Variants in GRID2 observed in about 807,000 individuals in gnomAD.
GRID2 encodes the protein glutamate receptor ionotropic, delta-2.
Under a neutral mutation model 114.8 loss-of-function variants are expected in GRID2, and 33 were observed. That is an observed-to-expected ratio of 0.29 (90% CI 0.22 to 0.38). The LOEUF (loss-of-function observed/expected upper bound fraction) is 0.38, where lower values mean the gene tolerates loss of function less well. Ranked by LOEUF, GRID2 falls within the 10% of genes least tolerant of loss-of-function variation. The pLI is 1.00. For missense variants in GRID2, 1,184 were observed against 1,257.7 expected, an observed-to-expected ratio of 0.94 and a Z score of 0.89; for synonymous variants, 505 against 449.9, an observed-to-expected ratio of 1.12 and a Z score of -1.55.
At chr4:93,517,099 A>C (rs1439634991) in intron 13 of GRID2, among the ~76,000 whole-genome samples, 1 of 152,094 alleles carries the variant, frequency 6.6e-6, no homozygotes, top group East Asian at 1.9e-4. Context: ...CATGAAGATA[A>C]GAATTCTACC....
At chr4:93,441,047 T>C (rs1186864831) in intron 10 of GRID2, among the ~76,000 whole-genome samples, 1 of 151,942 alleles carries the variant, frequency 6.6e-6, no homozygotes, top group African/African-American at 2.4e-5. Context: ...AATAAAAAGA[T>C]TTGGTGGGTT....
At chr4:93,146,606 G>GGA (rs374663929) in intron 4 of GRID2, among the ~76,000 whole-genome samples, 13 of 151,034 alleles carry the variant, frequency 8.6e-5, no homozygotes, top group South Asian at 4.2e-4. Context: ...AGAGAAAGGA[G>GGA]GAGAGAGAGA....
At chr4:93,635,638 G>T (rs1260208283) in intron 14 of GRID2, among the ~76,000 whole-genome samples, 2 of 152,038 alleles carry the variant, frequency 1.3e-5, no homozygotes, top group African/African-American at 2.4e-5. Flanking sequence ...CAAGAAAAAT[G>T]AGTAAGCTTT....
chr4:92,722,449 AGGGGAACGGGTG>A (rs1210678265), intron 2 of GRID2, among the ~76,000 whole-genome samples: 1 of 152,162 alleles, frequency 6.6e-6, no homozygotes, highest in Non-Finnish European at 1.5e-5. Flanking sequence ...AATGAGGAAA[AGGGGAACGGGTG>A]GGGTGGCAAT....
intron 13 of GRID2, among the ~76,000 whole-genome samples, chr4:93,580,982 C>A (rs1312224720): frequency 6.6e-6 from 1 of 151,772 alleles, no homozygotes; most frequent in East Asian, 1.9e-4. Context: ...TTCTGGGATA[C>A]ATGTGCAGAA....
intron 2 of GRID2, among the ~76,000 whole-genome samples, chr4:92,961,749 A>T (rs1033605917): frequency 6.6e-6 from 1 of 150,900 alleles, no homozygotes; most frequent in African/African-American, 2.4e-5. Context: ...GGGTGATTCA[A>T]ATATTTCTTC....
At chr4:92,799,252 C>T (rs897289482) in intron 2 of GRID2, among the ~76,000 whole-genome samples, 2 of 151,924 alleles carry the variant, frequency 1.3e-5, no homozygotes, top group Non-Finnish European at 2.9e-5. Context: ...AGATCCTTCT[C>T]ATGCACAGTT....
At chr4:92,925,875 A>C (rs569516419) in intron 2 of GRID2, among the ~76,000 whole-genome samples, 1 of 152,114 alleles carries the variant, frequency 6.6e-6, no homozygotes, top group Non-Finnish European at 1.5e-5. Context: ...TTTCACTAGC[A>C]CAGGTTCAAA....
intron 11 of GRID2, among the ~76,000 whole-genome samples, chr4:93,456,374 C>T (rs1486782762): frequency 6.6e-6 from 1 of 152,092 alleles, no homozygotes; most frequent in Non-Finnish European, 1.5e-5. Context: ...AGGACTTGTT[C>T]TTTGTTCAGA....
At chr4:93,337,738 C>T (rs1309295118) in intron 8 of GRID2, among the ~76,000 whole-genome samples, 1 of 152,126 alleles carries the variant, frequency 6.6e-6, no homozygotes, top group Non-Finnish European at 1.5e-5. Context: ...TCTCTCAAAA[C>T]TTGTGGCCGG....
At chr4:92,827,680 C>G (rs891022256) in intron 2 of GRID2, among the ~76,000 whole-genome samples, 1 of 151,726 alleles carries the variant, frequency 6.6e-6, no homozygotes, top group Non-Finnish European at 1.5e-5. Flanking sequence ...ATCTGATGCC[C>G]TTAAGAGGGT....
intron 8 of GRID2, chr4:93,305,967 A>C (rs549377922): frequency 6.6e-6 from 1 of 152,234 alleles, no homozygotes; most frequent in Non-Finnish European, 1.5e-5. Context: ...TAATTCCCAT[A>C]GGACTCTACT....
intron 2 of GRID2, among the ~76,000 whole-genome samples, chr4:92,801,808 A>G (rs1740185835): frequency 6.6e-6 from 1 of 151,866 alleles, no homozygotes; most frequent in African/African-American, 2.4e-5. Context: ...TACTCATAAC[A>G]AACCCAAAAG....
intron 1 of GRID2, among the ~76,000 whole-genome samples, chr4:92,516,391 A>G (rs1011233194): frequency 6.6e-6 from 1 of 151,920 alleles, no homozygotes; most frequent in African/African-American, 2.4e-5. Context: ...TCATTAAAAT[A>G]AACCACATTT....
chr4:93,100,152 T>A (rs886619061), intron 3 of GRID2, among the ~76,000 whole-genome samples: 1 of 151,904 alleles, frequency 6.6e-6, no homozygotes, highest in Non-Finnish European at 1.5e-5. Context: ...TATATTCTAC[T>A]GCTTTGGATT....
chr4:92,699,795 A>T (rs1355550293), intron 2 of GRID2, among the ~76,000 whole-genome samples: 1 of 152,120 alleles, frequency 6.6e-6, no homozygotes, highest in African/African-American at 2.4e-5. Context: ...GAAGACCCTC[A>T]TTATTATATT....
chr4:93,621,041 G>A (rs1374408037), intron 13 of GRID2, among the ~76,000 whole-genome samples: 1 of 152,160 alleles, frequency 6.6e-6, no homozygotes, highest in Non-Finnish European at 1.5e-5. Context: ...TAAGCAGCTT[G>A]ATGATGGGGG....
chr4:93,237,532 A>G (rs1318954345), intron 7 of GRID2, among the ~76,000 whole-genome samples: 2 of 151,952 alleles, frequency 1.3e-5, no homozygotes, highest in Non-Finnish European at 2.9e-5. Flanking sequence ...AACTGAGATC[A>G]TTTGTTTTCT....
chr4:93,155,653 A>G (rs1217290522), intron 4 of GRID2, among the ~76,000 whole-genome samples: 1 of 151,950 alleles, frequency 6.6e-6, no homozygotes, highest in Non-Finnish European at 1.5e-5. Flanking sequence ...GATAGCTGGA[A>G]AGACACTGGA....
Sources: allele counts gnomAD v4.1 joint callset (sites outside exome capture counted in the v4.1 genomes callset), GRCh38; gene constraint gnomAD v4.1.1; transcripts MANE v1.5; gene names NCBI Gene and HGNC (gene_info 2026-07-23, HGNC 2026-07-21).